DLGAP2: variants seen among roughly 807,000 people sequenced by gnomAD.
DLGAP2 encodes disks large-associated protein 2.
Under a neutral mutation model 100.3 loss-of-function variants are expected in DLGAP2, and 26 were observed. The observed-to-expected ratio is 0.26, with a 90% CI of 0.19 to 0.36. DLGAP2 has a LOEUF of 0.36. Among genes scored for constraint, DLGAP2 ranks in the 10% least tolerant of loss-of-function variants. The pLI, the probability that DLGAP2 is intolerant of heterozygous loss-of-function variation, is 1.00. For synonymous variants in DLGAP2, 886 were observed against 630.1 expected (o/e 1.41, Z -6.08); for missense variants, 1,858 against 1,453.2 (o/e 1.28, Z -4.53).
intron 2 of DLGAP2, among the ~76,000 whole-genome samples, chr8:1,156,269 G>A (rs1393327609): frequency 6.6e-6 from 1 of 152,108 alleles, no homozygotes; most frequent in Non-Finnish European, 1.5e-5. Context: ...CCTCCTTCCC[G>A]TTTTGGCGCT....
intron 6 of DLGAP2, chr8:1,621,123 C>T (rs1363666032): frequency 6.6e-6 from 1 of 152,288 alleles, no homozygotes; most frequent in Admixed American, 6.5e-5. Flanking sequence ...CACTTCCAAG[C>T]ACCCAGACTT....
chr8:1,117,555 G>C, intron 2 of DLGAP2, among the ~76,000 whole-genome samples: 1 of 152,220 alleles, frequency 6.6e-6, no homozygotes, highest in East Asian at 1.9e-4. Flanking sequence ...GTCAGATTCA[G>C]AGAGAAGAAA....
chr8:1,503,755 G>A (rs1799805907), intron 4 of DLGAP2, among the ~76,000 whole-genome samples: 1 of 152,152 alleles, frequency 6.6e-6, no homozygotes. Flanking sequence ...GGTGGGGGTT[G>A]GCCATTGTAA....
intron 5 of DLGAP2, among the ~76,000 whole-genome samples, chr8:1,558,097 G>A (rs1802027298): frequency 1.3e-5 from 2 of 152,200 alleles, no homozygotes; most frequent in Admixed American, 6.5e-5. Flanking sequence ...CTCGAGGGGT[G>A]AGTGTGGCAT....
chr8:1,056,243 A>T (rs1802879705), intron 2 of DLGAP2, among the ~76,000 whole-genome samples: 2 of 152,212 alleles, frequency 1.3e-5, no homozygotes, highest in Non-Finnish European at 2.9e-5. Flanking sequence ...TAGTTTTACA[A>T]GGGCCTGGTC....
In DLGAP2 at chr8:754,552, G is replaced by C. The variant is rs1455544947; in HGVS notation, c.18+16727G>C. ...TTAGACGTCCAAGGCCACAGAATAG[G>C]GATTGAAAAGCAGTGTGCCTGCCCA... On this transcript the variant is annotated intron_variant, in intron 1 of 14. Transcript: ENST00000637795. Among the ~76,000 whole-genome samples, 3 of 152,206 alleles carry C rather than the reference G, an allele frequency of 2.0e-5. No individual in the cohort carries two copies. The South Asian group carries it at 6.2e-4, about 32-fold the overall frequency.
chr8:770,520 C>T (rs1457251442), intron 1 of DLGAP2, among the ~76,000 whole-genome samples: 4 of 152,198 alleles, frequency 2.6e-5, no homozygotes, highest in African/African-American at 9.7e-5. Flanking sequence ...CTTTACAGGG[C>T]TGCCAATCCC....
chr8:948,899 C>T (rs912477889), intron 2 of DLGAP2, among the ~76,000 whole-genome samples: 3 of 150,862 alleles, frequency 2.0e-5, no homozygotes, highest in Non-Finnish European at 4.5e-5. Flanking sequence ...GGAGCAGGGC[C>T]CGTGGGCGTG....
At chr8:1,112,068 C>A (rs530058955) in intron 2 of DLGAP2, among the ~76,000 whole-genome samples, 10 of 151,980 alleles carry the variant, frequency 6.6e-5, no homozygotes, top group African/African-American at 1.7e-4. Flanking sequence ...TCACCAGCAT[C>A]CGTTATTTTT....
intron 6 of DLGAP2, among the ~76,000 whole-genome samples, chr8:1,617,182 T>G (rs1020663751): frequency 2.6e-5 from 4 of 152,226 alleles, no homozygotes; most frequent in African/African-American, 7.2e-5. Context: ...TGAATAGTGC[T>G]GCAATGAATG....
intron 12 of DLGAP2, among the ~76,000 whole-genome samples, chr8:1,680,359 TGACTATGACTTACAGAGAATAAC>T (rs1258059313): frequency 1.3e-5 from 2 of 152,228 alleles, no homozygotes; most frequent in African/African-American, 4.8e-5. Flanking sequence ...GAAACTACAT[TGACTATGACTTACAGAGAATAAC>T]GGCCTTGGAG....
intron 2 of DLGAP2, among the ~76,000 whole-genome samples, chr8:1,087,972 C>T (rs560132730): frequency 4.7e-4 from 71 of 152,356 alleles, no homozygotes; most frequent in African/African-American, 1.1e-3. Flanking sequence ...GGCTATGTGG[C>T]CTCCTTATCC....
At chr8:1,108,437 T>C (rs1196620911) in intron 2 of DLGAP2, among the ~76,000 whole-genome samples, 1 of 152,214 alleles carries the variant, frequency 6.6e-6, no homozygotes, top group Non-Finnish European at 1.5e-5. Context: ...TGCTGTGAGA[T>C]GTGAGTGAGT....
intron 3 of DLGAP2, among the ~76,000 whole-genome samples, chr8:1,294,435 G>A (rs986269543): frequency 2.0e-5 from 3 of 152,104 alleles, no homozygotes; most frequent in Non-Finnish European, 4.4e-5. Context: ...CCATTTTTCT[G>A]ATGAGTCACT....
intron 2 of DLGAP2, among the ~76,000 whole-genome samples, chr8:1,245,484 C>G (rs2116867895): frequency 6.6e-6 from 1 of 152,294 alleles, no homozygotes; most frequent in African/African-American, 2.4e-5. Context: ...GTGAAAGAAG[C>G]CAGTCATGAA....
At chr8:1,125,305 G>C (rs1796139961) in intron 2 of DLGAP2, among the ~76,000 whole-genome samples, 1 of 152,168 alleles carries the variant, frequency 6.6e-6, no homozygotes, top group Non-Finnish European at 1.5e-5. Context: ...GTTATGGTTA[G>C]AGCTTTGGAA....
At chr8:1,576,178 T>G (rs1439625907) in intron 6 of DLGAP2, among the ~76,000 whole-genome samples, 1 of 152,246 alleles carries the variant, frequency 6.6e-6, no homozygotes, top group East Asian at 1.9e-4. Context: ...TGTGCGATGG[T>G]GTCTCATTGT....
intron 2 of DLGAP2, among the ~76,000 whole-genome samples, chr8:1,041,642 CCCTT>C (rs1802352506): frequency 3.5e-5 from 3 of 85,636 alleles, no homozygotes; most frequent in African/African-American, 1.5e-4. Flanking sequence ...TTCTCCGAGC[CCCTT>C]GCCGTGGGTG....
At chr8:1,410,484 C>T (rs1169490966) in intron 3 of DLGAP2, among the ~76,000 whole-genome samples, 1 of 152,196 alleles carries the variant, frequency 6.6e-6, no homozygotes, top group Non-Finnish European at 1.5e-5. Flanking sequence ...CCCACAGTTT[C>T]ATGGGGTCAC....
Sources: gnomAD v4.1 joint callset for allele counts (sites outside exome capture counted in the v4.1 genomes callset) on GRCh38, gnomAD v4.1.1 for gene constraint, MANE v1.5 for transcripts, NCBI Gene and HGNC (gene_info 2026-07-23, HGNC 2026-07-21) for gene names.